The following DNAJC1 variants were observed in gnomAD, a reference collection of about 807,000 sequenced individuals.
The protein encoded by DNAJC1 is dnaJ homolog subfamily C member 1.
In DNAJC1, 58 loss-of-function variants were observed where a neutral mutation model predicts 76.6. The observed-to-expected ratio is 0.76, with a 90% CI of 0.61 to 0.94. The LOEUF (loss-of-function observed/expected upper bound fraction) is 0.94, where lower values mean the gene tolerates loss of function less well. DNAJC1 is among the 40% of genes least tolerant of loss of function. DNAJC1 has a pLI of 0.00. For synonymous variants in DNAJC1, 258 were observed against 267.9 expected (o/e 0.96, Z 0.36); for missense variants, 689 against 677.3 (o/e 1.02, Z -0.19).
intron 10 of DNAJC1, among the ~76,000 whole-genome samples, chr10:21,764,774 T>C (rs1206262880): frequency 6.6e-6 from 1 of 152,182 alleles, no homozygotes; most frequent in Non-Finnish European, 1.5e-5. Context: ...TTAATGAATA[T>C]ATTTGTGACA....
chr10:21,860,348 T>C (rs930894548), intron 8 of DNAJC1, among the ~76,000 whole-genome samples: 1 of 152,062 alleles, frequency 6.6e-6, no homozygotes, highest in African/African-American at 2.4e-5. Flanking sequence ...AGATACTAAA[T>C]GATAAGAAAA....
chr10:21,989,163 T>C (rs148654587), intron 1 of DNAJC1, among the ~76,000 whole-genome samples: 71 of 152,278 alleles, frequency 4.7e-4, no homozygotes, highest in Non-Finnish European at 8.5e-4. Context: ...ATAAACAACC[T>C]GACCATAGTT....
intron 6 of DNAJC1, among the ~76,000 whole-genome samples, chr10:21,911,066 AGGAAGGAAGGAAGGAAGGAAGGCG>A (rs1443972001): frequency 1.4e-5 from 2 of 143,712 alleles, no homozygotes; most frequent in African/African-American, 2.6e-5. Flanking sequence ...GAAGGAAGGA[AGGAAGGAAGGAAGGAAGGAAGGCG>A]GGAAGGCGGG....
At chr10:21,838,969 TG>T (rs1835521855) in intron 8 of DNAJC1, among the ~76,000 whole-genome samples, 1 of 152,138 alleles carries the variant, frequency 6.6e-6, no homozygotes, top group Admixed American at 6.6e-5. Context: ...CTCAACTACA[TG>T]GAAACTGAAC....
intron 1 of DNAJC1, among the ~76,000 whole-genome samples, chr10:21,956,819 AACACACACACACACAC>A (rs3051926): frequency 7.0e-6 from 1 of 142,122 alleles, no homozygotes; most frequent in Admixed American, 7.1e-5. Context: ...GTTTATACAT[AACACACACACACACAC>A]ACACACACAC....
intron 6 of DNAJC1, among the ~76,000 whole-genome samples, chr10:21,908,016 AAT>A (rs1301897246): frequency 4.4e-5 from 2 of 45,768 alleles, no homozygotes; most frequent in African/African-American, 1.8e-4. Context: ...TATATATAAT[AAT>A]ATATATAAAT....
At chr10:21,781,525 T>C (rs1356006786) in intron 9 of DNAJC1, among the ~76,000 whole-genome samples, 1 of 151,852 alleles carries the variant, frequency 6.6e-6, no homozygotes, top group Non-Finnish European at 1.5e-5. Flanking sequence ...ATCAAGACCA[T>C]CCTGGCTAAC....
At chr10:21,765,768 T>C (rs947588414) in intron 10 of DNAJC1, among the ~76,000 whole-genome samples, 4 of 151,926 alleles carry the variant, frequency 2.6e-5, no homozygotes, top group Non-Finnish European at 5.9e-5. Flanking sequence ...CACTTGAACC[T>C]GGGAGGCAGA....
chr10:21,999,205 G>C (rs1176415521), intron 1 of DNAJC1, among the ~76,000 whole-genome samples: 2 of 152,058 alleles, frequency 1.3e-5, no homozygotes, highest in African/African-American at 4.8e-5. Context: ...CCAGACTACT[G>C]AACTCACCAC....
intron 1 of DNAJC1, among the ~76,000 whole-genome samples, chr10:21,990,808 C>A (rs1298439631): frequency 6.6e-6 from 1 of 152,170 alleles, no homozygotes; most frequent in Non-Finnish European, 1.5e-5. Context: ...CCTGGATGTA[C>A]CAAGTCCATT....
intron 9 of DNAJC1, among the ~76,000 whole-genome samples, chr10:21,774,617 G>C (rs1271943998): frequency 6.6e-6 from 1 of 152,154 alleles, no homozygotes; most frequent in Non-Finnish European, 1.5e-5. Context: ...TGGGACTAAA[G>C]GCGCCCACCA....
At chr10:21,901,116 C>A (rs1836645488) in intron 7 of DNAJC1, among the ~76,000 whole-genome samples, 2 of 152,120 alleles carry the variant, frequency 1.3e-5, no homozygotes, top group Non-Finnish European at 2.9e-5. Flanking sequence ...CAACAAGGAC[C>A]ACAAAACAAG....
chr10:21,800,963 G>A (rs1461539258), intron 9 of DNAJC1, among the ~76,000 whole-genome samples: 3 of 151,988 alleles, frequency 2.0e-5, no homozygotes, highest in African/African-American at 4.8e-5. Context: ...ATTAACCAGA[G>A]GTAAAAACAT....
intron 6 of DNAJC1, among the ~76,000 whole-genome samples, chr10:21,906,321 T>A (rs1850409587): frequency 6.6e-6 from 1 of 152,108 alleles, no homozygotes; most frequent in Non-Finnish European, 1.5e-5. Context: ...CAACAGGGTT[T>A]TGGGTTAAGG....
At chr10:21,973,608 T>C (rs536574422) in intron 1 of DNAJC1, among the ~76,000 whole-genome samples, 4 of 152,252 alleles carry the variant, frequency 2.6e-5, no homozygotes, top group African/African-American at 7.2e-5. Flanking sequence ...CAGTTGTACC[T>C]GAAGTTAATC....
At chr10:21,786,526 G>C (rs545800542) in intron 9 of DNAJC1, among the ~76,000 whole-genome samples, 1 of 140,122 alleles carries the variant, frequency 7.1e-6, no homozygotes, top group Non-Finnish European at 1.5e-5. Flanking sequence ...TGTCACCCAG[G>C]CTGGAGTACA....
intron 8 of DNAJC1, among the ~76,000 whole-genome samples, chr10:21,819,700 C>T (rs989743269): frequency 2.6e-5 from 4 of 151,970 alleles, no homozygotes; most frequent in South Asian, 4.1e-4. Flanking sequence ...GAGGCTGAGG[C>T]GGGTAGATCA....
chr10:21,937,557 A>T (rs1837330330), intron 1 of DNAJC1, among the ~76,000 whole-genome samples: 1 of 152,138 alleles, frequency 6.6e-6, no homozygotes, highest in Non-Finnish European at 1.5e-5. Context: ...TGACTGGAAC[A>T]ATCAGAAAGA....
At chr10:21,799,521 G>A (rs146130878) in intron 9 of DNAJC1, among the ~76,000 whole-genome samples, 4 of 152,076 alleles carry the variant, frequency 2.6e-5, no homozygotes, top group South Asian at 2.1e-4. Context: ...CAGGCTGGTC[G>A]CAAACTTCTG....
Sources: allele counts gnomAD v4.1 joint callset (sites outside exome capture counted in the v4.1 genomes callset), GRCh38; gene constraint gnomAD v4.1.1; transcripts MANE v1.5; gene names NCBI Gene and HGNC (gene_info 2026-07-23, HGNC 2026-07-21).